The following ANO6 variants were observed in gnomAD, a reference collection of about 807,000 sequenced individuals.
ANO6 encodes the protein anoctamin-6.
ANO6 carries 106 observed loss-of-function variants against 117.5 expected under a neutral mutation model. That is an observed-to-expected ratio of 0.90 (90% CI 0.77 to 1.06). The LOEUF is 1.06. Ranked by LOEUF, ANO6 falls within the 50% of genes least tolerant of loss-of-function variation. ANO6 has a pLI of 0.00. For missense variants in ANO6, 955 were observed against 1,121.1 expected (o/e 0.85, Z 2.12); for synonymous variants, 367 against 385.1 (o/e 0.95, Z 0.55).
intron 3 of ANO6, among the ~76,000 whole-genome samples, chr12:45,343,249 C>T (rs1450957296): frequency 6.6e-6 from 1 of 152,146 alleles, no homozygotes; most frequent in Non-Finnish European, 1.5e-5. Context: ...TGTTAAAACA[C>T]TCATCAAGCC....
chr12:45,244,456 T>C (rs1175959920), intron 1 of ANO6, among the ~76,000 whole-genome samples: 3 of 150,922 alleles, frequency 2.0e-5, no homozygotes, highest in Admixed American at 6.6e-5. Flanking sequence ...AGGAGGAGTA[T>C]TGTTGAATCC....
chr12:45,366,690 G>T (rs1455623708), intron 8 of ANO6, among the ~76,000 whole-genome samples: 2 of 152,132 alleles, frequency 1.3e-5, no homozygotes, highest in Admixed American at 6.5e-5. Context: ...GCTTAAATGG[G>T]AGATAACTAA....
intron 15 of ANO6, among the ~76,000 whole-genome samples, chr12:45,405,094 T>C (rs1251398729): frequency 6.6e-6 from 1 of 152,012 alleles, no homozygotes; most frequent in African/African-American, 2.4e-5. Context: ...GCTGTGAAAT[T>C]CTTTTTTTTT....
intron 2 of ANO6, among the ~76,000 whole-genome samples, chr12:45,314,117 C>G (rs1202639105): frequency 6.6e-6 from 1 of 151,972 alleles, no homozygotes; most frequent in Non-Finnish European, 1.5e-5. Context: ...TTCTGTTAGG[C>G]ACTTAGGAAG....
chr12:45,216,465 G>GAGCACAGCGCCCCC, intron 1 of ANO6, 74 bp downstream of exon 1: 2 of 1,526,250 alleles, frequency 1.3e-6, no homozygotes, highest in Non-Finnish European at 1.8e-6. Flanking sequence ...ACTGCGCGGG[G>GAGCACAGCGCCCCC]GCGCTGTGCT....
intron 18 of ANO6, 31 bp from the exon 19 acceptor site, chr12:45,422,926 G>C: frequency 6.7e-7 from 1 of 1,492,860 alleles, no homozygotes; most frequent in Non-Finnish European, 9.3e-7. Flanking sequence ...AAAAAGATTT[G>C]TCTCCCAATA....
intron 1 of ANO6, among the ~76,000 whole-genome samples, chr12:45,221,415 C>A (rs1284599172): frequency 1.3e-5 from 2 of 152,034 alleles, no homozygotes; most frequent in Non-Finnish European, 1.5e-5. Context: ...GCAGAGATGG[C>A]CGGAGGAGAG....
intron 2 of ANO6, among the ~76,000 whole-genome samples, chr12:45,320,704 T>C (rs1173781982): frequency 6.6e-6 from 1 of 152,212 alleles, no homozygotes; most frequent in Non-Finnish European, 1.5e-5. Flanking sequence ...ATCTGTCTAA[T>C]GTTGACAGTG....
chr12:45,383,895 A>G (rs1333278213), intron 10 of ANO6, among the ~76,000 whole-genome samples: 1 of 152,184 alleles, frequency 6.6e-6, no homozygotes, highest in Non-Finnish European at 1.5e-5. Context: ...GCCCCTAACA[A>G]GAGAGTGAGC....
At chr12:45,353,438 G>A (rs1941334151) in intron 7 of ANO6, among the ~76,000 whole-genome samples, 1 of 152,100 alleles carries the variant, frequency 6.6e-6, no homozygotes, top group Non-Finnish European at 1.5e-5. Context: ...ACAGAGTGAT[G>A]GGTTCTTAAT....
chr12:45,257,887 A>G (rs188977477), intron 1 of ANO6, among the ~76,000 whole-genome samples: 32 of 152,310 alleles, frequency 2.1e-4, no homozygotes, highest in Admixed American at 8.5e-4. Flanking sequence ...CAGGAGTTTT[A>G]TGTGCTCTCT....
chr12:45,218,579 C>A (rs963730255), intron 1 of ANO6, among the ~76,000 whole-genome samples: 1 of 151,688 alleles, frequency 6.6e-6, no homozygotes, highest in Admixed American at 6.6e-5. Context: ...TTTGGAAGTA[C>A]AAATTTAATG....
chr12:45,276,583 C>T (rs1938562252), intron 1 of ANO6, among the ~76,000 whole-genome samples: 1 of 152,144 alleles, frequency 6.6e-6, no homozygotes, highest in Non-Finnish European at 1.5e-5. Context: ...CTGTGACCCA[C>T]CCTACCCGAA....
intron 1 of ANO6, among the ~76,000 whole-genome samples, chr12:45,284,217 C>T (rs962516844): frequency 3.9e-5 from 6 of 152,228 alleles, no homozygotes; most frequent in African/African-American, 7.2e-5. Context: ...TGTGTCCAGA[C>T]GCTTCTTGAC....
At chr12:45,220,110 C>T (rs1947374162) in intron 1 of ANO6, among the ~76,000 whole-genome samples, 1 of 152,046 alleles carries the variant, frequency 6.6e-6, no homozygotes, top group Non-Finnish European at 1.5e-5. Context: ...GATTAGTATG[C>T]TGCTTTATTT....
intron 2 of ANO6, among the ~76,000 whole-genome samples, chr12:45,306,388 AGAT>A (rs1939669799): frequency 6.6e-6 from 1 of 152,180 alleles, no homozygotes; most frequent in South Asian, 2.1e-4. Context: ...AAATCAGGGA[AGAT>A]GATGAGAAAC....
intron 3 of ANO6, among the ~76,000 whole-genome samples, chr12:45,345,221 C>G (rs1443837826): frequency 6.6e-6 from 1 of 152,186 alleles, no homozygotes; most frequent in East Asian, 1.9e-4. Context: ...TATCCTTTTT[C>G]TGATACTTCA....
chr12:45,356,162 C>T (rs1364832239), intron 7 of ANO6, among the ~76,000 whole-genome samples: 1 of 152,088 alleles, frequency 6.6e-6, no homozygotes, highest in Non-Finnish European at 1.5e-5. Context: ...TCAGTTTTAC[C>T]CCAGAGTATA....
intron 1 of ANO6, among the ~76,000 whole-genome samples, chr12:45,221,089 C>T (rs746278139): frequency 4.3e-4 from 65 of 152,208 alleles, no homozygotes; most frequent in Admixed American, 9.8e-4. Context: ...GGACTGAGCC[C>T]TCAATCTGAG....
Sources: allele counts gnomAD v4.1 joint callset (sites outside exome capture counted in the v4.1 genomes callset), GRCh38; gene constraint gnomAD v4.1.1; transcripts MANE v1.5; gene names NCBI Gene and HGNC (gene_info 2026-07-23, HGNC 2026-07-21).